The following DENND4C variants were observed in gnomAD, a reference collection of about 807,000 sequenced individuals.
DENND4C encodes DENN domain-containing protein 4C.
DENND4C carries 108 observed loss-of-function variants against 203.0 expected under a neutral mutation model. That is an observed-to-expected ratio of 0.53 (90% CI 0.46 to 0.62). DENND4C has a LOEUF of 0.62. DENND4C is among the 20% of genes least tolerant of loss of function. The pLI, the probability that DENND4C is intolerant of heterozygous loss-of-function variation, is 0.00. For missense variants in DENND4C, 2,481 were observed against 2,301.2 expected, an observed-to-expected ratio of 1.08 and a Z score of -1.60; for synonymous variants, 871 against 792.4, an observed-to-expected ratio of 1.10 and a Z score of -1.67.
intron 1 of DENND4C, among the ~76,000 whole-genome samples, chr9:19,246,838 A>G (rs933938757): frequency 1.3e-5 from 2 of 152,116 alleles, no homozygotes; most frequent in African/African-American, 4.8e-5. Context: ...TTAATTCTCT[A>G]ACTTCAATAG....
chr9:19,351,090 C>T (rs1329170887), intron 24 of DENND4C, among the ~76,000 whole-genome samples: 1 of 151,980 alleles, frequency 6.6e-6, no homozygotes. Context: ...ATTTAGATGC[C>T]TGTAACTCCC....
chr9:19,315,948 G>C (rs1841771651), intron 10 of DENND4C, among the ~76,000 whole-genome samples: 1 of 151,964 alleles, frequency 6.6e-6, no homozygotes, highest in South Asian at 2.1e-4. Flanking sequence ...ATTGTTTCAT[G>C]ATCATAGATT....
Position 19,342,793 on chromosome 9 carries a change from T to G in DENND4C, c.3151+14T>G. On this transcript the variant is annotated intron_variant, in intron 22 of 32. Coordinates refer to ENST00000434457, the MANE Select transcript of DENND4C (RefSeq NM_001330640.2). Reference sequence around the variant, plus strand: ...AAAGTAGCACTGGTGAGTCTTTACATTTTGGTTATTAAATATTTAAAATAT... The same window carrying G: ...AAAGTAGCACTGGTGAGTCTTTACAGTTTGGTTATTAAATATTTAAAATAT... 1 of 1,563,452 alleles carries G rather than the reference T, an allele frequency of 6.4e-7. No homozygotes were observed.
chr9:19,334,143 C>G (rs1819894273), intron 17 of DENND4C, among the ~76,000 whole-genome samples: 1 of 152,212 alleles, frequency 6.6e-6, no homozygotes, highest in East Asian at 1.9e-4. Context: ...CTCCCGGGTT[C>G]CAGCAATTCT....
chr9:19,278,361 A>G (rs761358199), intron 2 of DENND4C, among the ~76,000 whole-genome samples: 3 of 151,348 alleles, frequency 2.0e-5, no homozygotes, highest in Non-Finnish European at 4.4e-5. Context: ...CTGGTCTTGA[A>G]CTCCTGACCT....
At chr9:19,252,682 G>C (rs1271023725) in intron 1 of DENND4C, among the ~76,000 whole-genome samples, 32 of 151,122 alleles carry the variant, frequency 2.1e-4, no homozygotes, top group Admixed American at 2.1e-3. Context: ...TATTGGTAAA[G>C]CTAGGCATTT....
intron 5 of DENND4C, among the ~76,000 whole-genome samples, chr9:19,295,187 C>G (rs1037514613): frequency 5.9e-5 from 9 of 151,806 alleles, no homozygotes; most frequent in Non-Finnish European, 1.0e-4. Context: ...CTGGCTAACA[C>G]AGTGAAACCC....
chr9:19,312,497 C>G (rs1799991026), intron 10 of DENND4C, among the ~76,000 whole-genome samples: 1 of 152,234 alleles, frequency 6.6e-6, no homozygotes, highest in South Asian at 2.1e-4. Flanking sequence ...GTTGTATTTA[C>G]TTGTATCTGC....
Position 19,346,638 on chromosome 9 carries a change from A to C in DENND4C, c.3869A>C (p.Asn1290Thr). 6.2e-7 allele frequency: 1 copy of C among 1,614,104 alleles called. No homozygotes were observed. Among genetic ancestry groups the C allele is most frequent in the South Asian group, 1.1e-5 (1 of 91,084 alleles). Residue 1290 changes from asparagine (N) to threonine (T), a missense_variant, in exon 23 of 33, where the codon AAC becomes ACC. Coordinates refer to ENST00000434457, the MANE Select transcript of DENND4C (RefSeq NM_001330640.2). ...NLADEIESYM[N>T]LKSPLGSKSS... Reference sequence around the variant, plus strand: ...GCTGATGAAATAGAAAGCTATATGAACCTAAAAAGTCCCCTAGGTAGTAAA... The same window carrying C: ...GCTGATGAAATAGAAAGCTATATGACCCTAAAAAGTCCCCTAGGTAGTAAA...
chr9:19,295,355 A>G (rs1837220574), intron 5 of DENND4C, among the ~76,000 whole-genome samples: 1 of 152,198 alleles, frequency 6.6e-6, no homozygotes, highest in Non-Finnish European at 1.5e-5. Context: ...AATACAAAAA[A>G]TTAGCTAGGT....
In DENND4C at chr9:19,343,311, T is replaced by C. The variant is rs528625673; in HGVS notation, c.3151+532T>C. On this transcript the variant is annotated intron_variant, in intron 22 of 32. Transcript: ENST00000434457. ...AAATAACTCTGTGTGTATGACTCCC[T>C]TGAATTTGAGTTTTCTACTTTCATT... Among the ~76,000 whole-genome samples the C allele has an allele frequency of 2.0e-4, 31 of 152,342 alleles. 1 individual carries two copies. The South Asian group carries it at 6.4e-3, about 32-fold the overall frequency.
chr9:19,310,849 T>C (rs1218608674), intron 10 of DENND4C, among the ~76,000 whole-genome samples: 1 of 152,150 alleles, frequency 6.6e-6, no homozygotes, highest in African/African-American at 2.4e-5. Context: ...TCCTTTACTC[T>C]GTGTGGTAAA....
chr9:19,282,782 T>C (rs1462213367), intron 2 of DENND4C, among the ~76,000 whole-genome samples: 1 of 139,668 alleles, frequency 7.2e-6, no homozygotes, highest in Non-Finnish European at 1.5e-5. Flanking sequence ...AGTGGTATGA[T>C]TGGGGCTCAC....
chr9:19,283,568 C>A (rs996089761), intron 2 of DENND4C, among the ~76,000 whole-genome samples: 3 of 150,314 alleles, frequency 2.0e-5, no homozygotes, highest in Non-Finnish European at 4.4e-5. Context: ...TTAAACAGGG[C>A]AGTATGTTAT....
At chr9:19,314,169 A>G (rs1012372162) in intron 10 of DENND4C, among the ~76,000 whole-genome samples, 34 of 152,158 alleles carry the variant, frequency 2.2e-4, no homozygotes, top group African/African-American at 8.2e-4. Context: ...AAGACTACAC[A>G]TGAGGCCAGG....
chr9:19,348,911 C>T (rs756617191), intron 23 of DENND4C, among the ~76,000 whole-genome samples: 15 of 152,068 alleles, frequency 9.9e-5, no homozygotes, highest in Non-Finnish European at 2.1e-4. Flanking sequence ...TGGGCTCAAG[C>T]AATCCTCCTG....
chr9:19,311,119 CAA>C lies in DENND4C; in HGVS notation c.1488-5296_1488-5295del, dbSNP rs201898072. ...CATTAAAGTTTGTCTTTTGAATTTC[CAA>C]AGTTTTTTTCCTTTGTTTGACAGAG... On this transcript the variant is annotated intron_variant, in intron 10 of 32. Transcript: ENST00000434457. Among the ~76,000 whole-genome samples, 863 of 151,598 alleles carry C rather than the reference CAA, an allele frequency of 5.7e-3. 8 individuals are homozygous for C. Among genetic ancestry groups the C allele is most frequent in the African/African-American group, 0.019 (783 of 41,322 alleles).
At chr9:19,295,929 C>A (rs548728622) in intron 5 of DENND4C, 79 bp from the exon 6 acceptor site, 2 of 1,095,290 alleles carry the variant, frequency 1.8e-6, no homozygotes, top group Non-Finnish European at 2.7e-6. Context: ...GCAAATATTT[C>A]TTGTGTAATA....
chr9:19,282,715 C>CTTTTTTTTTTT (rs1554717864), intron 2 of DENND4C, among the ~76,000 whole-genome samples: 28 of 86,660 alleles, frequency 3.2e-4, no homozygotes, highest in African/African-American at 1.1e-3. Context: ...TTTCTTCTCT[C>CTTTTTTTTTTT]TTTTTTTTTT....
Sources: gnomAD v4.1 joint callset for allele counts (sites outside exome capture counted in the v4.1 genomes callset) on GRCh38, gnomAD v4.1.1 for gene constraint, MANE v1.5 for transcripts, NCBI Gene and HGNC (gene_info 2026-07-23, HGNC 2026-07-21) for gene names.